DDX46: variants seen among roughly 807,000 people sequenced by gnomAD.
DDX46 encodes the protein probable ATP-dependent RNA helicase DDX46.
Under a neutral mutation model 134.9 loss-of-function variants are expected in DDX46, and 30 were observed. The ratio of observed to expected loss-of-function variants is 0.22; its 90% CI spans 0.17 to 0.30. The LOEUF is 0.30. DDX46 is among the 10% of genes least tolerant of loss of function. The pLI is 1.00. For missense variants in DDX46, 622 were observed against 1,248.7 expected (o/e 0.50, Z 7.56); for synonymous variants, 415 against 404.1 (o/e 1.03, Z -0.32).
In DDX46 at chr5:134,794,748, G is replaced by A. The variant is rs1580799930; in HGVS notation, c.1627-102G>A. ...GGGAGACTGTGGGAGTGGCAAAACT[G>A]AGACAGTTGTTCTCAAAAGTTCCTT... On this transcript the variant is annotated intron_variant, in intron 13 of 22. Coordinates refer to ENST00000452510, the MANE Select transcript of DDX46 (RefSeq NM_001300860.2). 6 of 1,457,712 alleles carry A rather than the reference G, an allele frequency of 4.1e-6. No homozygotes were observed. In the East Asian group the frequency reaches 1.4e-4, roughly 34 times the overall value. The allele number at this position is 1,457,712 out of a possible 1,614,324, so 90.3% of individuals were successfully genotyped here.
rs192691511 is a variant in DDX46, at chr5:134,825,591, C to T, written c.2978-1356C>T. Among the ~76,000 whole-genome samples the T allele has an allele frequency of 1.8e-3, 271 of 152,290 alleles. 1 individual carries two copies. Among genetic ancestry groups the T allele is most frequent in the African/African-American group, 6.2e-3 (258 of 41,560 alleles). Reference sequence around the variant, plus strand: ...GGAATGATAAAAATATAGCTCTCTACGTTGCAAACCCAGTCCTCCTTTTAT... The same window carrying T: ...GGAATGATAAAAATATAGCTCTCTATGTTGCAAACCCAGTCCTCCTTTTAT... On this transcript the variant is annotated intron_variant, in intron 21 of 22. Transcript: ENST00000452510.
At position 134,796,291 on chromosome 5, in the gene DDX46, G is replaced by A. The variant is rs983380986; in HGVS notation, c.1954+141G>A. The A allele has an allele frequency of 1.5e-5, 13 of 885,840 alleles. No homozygotes were observed. In the African/African-American group the frequency reaches 1.7e-4, roughly 12 times the overall value. 54.9% of individuals were successfully genotyped at this position (885,840 alleles called of 1,614,324 possible). Reference sequence around the variant, plus strand: ...AGTTTTTACTCTAAAGTGCTTTGTGGGAGTAAGATTATTATTGTCTCATCT... The same window carrying A: ...AGTTTTTACTCTAAAGTGCTTTGTGAGAGTAAGATTATTATTGTCTCATCT... On this transcript the variant is annotated intron_variant, in intron 15 of 22. Transcript: ENST00000452510.
At position 134,794,850 on chromosome 5, in the gene DDX46, G is replaced by A. The variant is rs749265943; in HGVS notation, c.1627G>A (p.Val543Ile). ...ATTTGTAATGTTTTCTTTTTCTCAG[G>A]TCATGCGCATCGTGGATAATGTTCG... ...RMFDMGFEPQ[V>I]MRIVDNVRPD... Residue 543 changes from valine to isoleucine, a missense_variant and splice_region_variant, in exon 14 of 23, where the codon GTC (valine) becomes ATC (isoleucine). Val to Ile is a conservative substitution (Grantham distance 29). Around this residue, in one of 8 missense-constraint regions of DDX46, gnomAD observed 209 missense variants for 508.4 expected, o/e 0.41. Coordinates refer to ENST00000452510, the MANE Select transcript of DDX46 (RefSeq NM_001300860.2). 1 of 1,613,596 alleles carries A rather than the reference G, an allele frequency of 6.2e-7. No homozygotes were observed. The highest frequency in any genetic ancestry group is 1.1e-5 in the South Asian group (1 of 90,956).
intron 14 of DDX46, among the ~76,000 whole-genome samples, chr5:134,795,701 T>C (rs899981846): frequency 6.6e-6 from 1 of 152,126 alleles, no homozygotes; most frequent in Non-Finnish European, 1.5e-5. Context: ...CCCCTGTCTC[T>C]ACAAAGGAAA....
At chr5:134,766,312 C>T (rs533236116) in intron 2 of DDX46, among the ~76,000 whole-genome samples, 160 of 152,122 alleles carry the variant, frequency 1.1e-3, no homozygotes, top group Non-Finnish European at 1.8e-3. Context: ...AATCCCAGCA[C>T]TTTGGGAGGC....
In DDX46 at chr5:134,764,394, TGCCTAA is replaced by T. The variant is rs901892365; in HGVS notation, c.206+307_206+312del. ...ACCTCCTGGGTTCAAGCGATTCTCATGCCTAAGCCTGCCAAGTAGCTGGGATTTCAG... is the reference window on the plus strand; with the variant it reads ...ACCTCCTGGGTTCAAGCGATTCTCATGCCTGCCAAGTAGCTGGGATTTCAG... On this transcript the variant is annotated intron_variant, in intron 2 of 22. Transcript: ENST00000452510. 6.6e-5 allele frequency among the ~76,000 whole-genome samples: 10 copies of T among 152,134 alleles called. No individual in the cohort carries two copies. The South Asian group carries it at 1.0e-3, about 16-fold the overall frequency.
At chr5:134,798,163 GC>G (rs562796309) in intron 15 of DDX46, among the ~76,000 whole-genome samples, 1 of 147,318 alleles carries the variant, frequency 6.8e-6, no homozygotes, top group Non-Finnish European at 1.5e-5. Context: ...AAATATCCCC[GC>G]CCCCCACCGT....
intron 15 of DDX46, among the ~76,000 whole-genome samples, chr5:134,801,419 A>G (rs1353194740): frequency 6.6e-6 from 1 of 151,962 alleles, no homozygotes; most frequent in Non-Finnish European, 1.5e-5. Context: ...CCTTGAGACA[A>G]CTTTTCTCTG....
chr5:134,758,815 C>G lies in DDX46; in HGVS notation c.-124C>G. On this transcript the variant is annotated 5_prime_UTR_variant, in exon 1 of 23. Coordinates refer to ENST00000452510, the MANE Select transcript of DDX46 (RefSeq NM_001300860.2). ...GGCCGCGCTGGGATGGCCGCCACAG[C>G]TGTAGGTGCTGCTAGTGTTTAGCGC... 1.4e-6 allele frequency: 2 copies of G among 1,469,274 alleles called. No individual in the cohort carries two copies. Among genetic ancestry groups the G allele is most frequent in the South Asian group, 1.1e-5 (1 of 87,060 alleles). The allele number at this position is 1,469,274 out of a possible 1,614,324, so 91.0% of individuals were successfully genotyped here.
At chr5:134,814,463 A>G (rs1366922744) in intron 18 of DDX46, among the ~76,000 whole-genome samples, 2 of 152,244 alleles carry the variant, frequency 1.3e-5, no homozygotes, top group South Asian at 2.1e-4. Context: ...TCTACCAGCT[A>G]GCATTGTATA....
intron 6 of DDX46, among the ~76,000 whole-genome samples, chr5:134,780,148 A>G (rs920485500): frequency 1.4e-4 from 21 of 149,136 alleles, no homozygotes; most frequent in South Asian, 1.3e-3. Context: ...GTATATGTAT[A>G]TATGTGCATG....
intron 21 of DDX46, among the ~76,000 whole-genome samples, chr5:134,821,614 C>T (rs1319234647): frequency 4.7e-5 from 7 of 150,140 alleles, no homozygotes; most frequent in African/African-American, 1.2e-4. Context: ...CTCACTGCAA[C>T]GGCGCAATTT....
intron 16 of DDX46, among the ~76,000 whole-genome samples, 179 bp downstream of exon 16, chr5:134,808,120 A>G (rs190065493): frequency 4.6e-5 from 7 of 152,298 alleles, no homozygotes; most frequent in South Asian, 2.1e-4. Flanking sequence ...GTGTTGTTCA[A>G]ATTATCAGAT....
intron 15 of DDX46, among the ~76,000 whole-genome samples, chr5:134,802,290 G>T (rs767963878): frequency 6.7e-6 from 1 of 150,108 alleles, no homozygotes; most frequent in Non-Finnish European, 1.5e-5. Context: ...TCAGCCTCCT[G>T]AGTAGCTGGG....
rs3761975 is a variant in DDX46 at position 134,807,953 on chromosome 5, T to G, written c.2148+12T>G. Reference sequence around the variant, plus strand: ...GAGCAGGAAACAAGGTAAAAATAAGTTTTTTATAGTTGATCTTCATTATAT... The same window carrying G: ...GAGCAGGAAACAAGGTAAAAATAAGGTTTTTATAGTTGATCTTCATTATAT... On this transcript the variant is annotated intron_variant, in intron 16 of 22. Coordinates refer to ENST00000452510, the MANE Select transcript of DDX46 (RefSeq NM_001300860.2). The G allele has an allele frequency of 1.9e-6, 3 of 1,579,032 alleles. No homozygotes were observed. The highest frequency in any genetic ancestry group is 2.6e-6 in the Non-Finnish European group (3 of 1,161,380).
chr5:134,767,944 CCTT>C (rs1318922179), intron 3 of DDX46, among the ~76,000 whole-genome samples: 2 of 150,088 alleles, frequency 1.3e-5, no homozygotes, highest in Admixed American at 6.6e-5. Context: ...GAGTGAAACT[CCTT>C]CTCAAAAAAA....
chr5:134,790,663 C>G (rs1754473544), intron 13 of DDX46, 111 bp downstream of exon 13: 3 of 864,876 alleles, frequency 3.5e-6, no homozygotes, highest in Non-Finnish European at 5.4e-6. Flanking sequence ...TTTTCTGTTG[C>G]ACGGTAATAC....
chr5:134,795,041 A>G (rs377511507), intron 14 of DDX46, 27 bp downstream of exon 14: 18 of 1,610,806 alleles, frequency 1.1e-5, no homozygotes, highest in African/African-American at 9.4e-5. Flanking sequence ...GGAAATTCCC[A>G]GTTTCCTTGA....
chr5:134,780,194 G>GTA lies in DDX46; in HGVS notation c.766-937_766-936dup, dbSNP rs201957048. ...TATGTATATGTGTGTATGTATATAT[G>GTA]TATGTGTATGTGTATATGTGTGTAT... On this transcript the variant is annotated intron_variant, in intron 6 of 22. Transcript: ENST00000452510. 8.3e-3 allele frequency among the ~76,000 whole-genome samples: 1,257 copies of GTA among 151,286 alleles called. 6 individuals are homozygous for GTA. The highest frequency in any genetic ancestry group is 0.042 in the Middle Eastern group (12 of 286).
Sources: gnomAD v4.1 joint callset for allele counts (sites outside exome capture counted in the v4.1 genomes callset) on GRCh38, gnomAD v4.1.1 for gene constraint, gnomAD v4.1.1 regional missense constraint, MANE v1.5 for transcripts, NCBI Gene and HGNC (gene_info 2026-07-23, HGNC 2026-07-21) for gene names.